The following PTPRT variants were observed in gnomAD, a reference collection of about 807,000 sequenced individuals.
The protein encoded by PTPRT is receptor-type tyrosine-protein phosphatase T.
Under a neutral mutation model 176.8 loss-of-function variants are expected in PTPRT, and 56 were observed. The observed-to-expected ratio is 0.32, with a 90% CI of 0.26 to 0.40. The LOEUF (loss-of-function observed/expected upper bound fraction) is 0.40, where lower values mean the gene tolerates loss of function less well. Among genes scored for constraint, PTPRT ranks in the 10% least tolerant of loss-of-function variants. The pLI, the probability that PTPRT is intolerant of heterozygous loss-of-function variation, is 1.00. For synonymous variants in PTPRT, 783 were observed against 739.0 expected (o/e 1.06, Z -0.96); for missense variants, 1,540 against 1,908.2 (o/e 0.81, Z 3.60).
At chr20:42,482,566 T>G (rs1482451234) in intron 7 of PTPRT, among the ~76,000 whole-genome samples, 3 of 152,270 alleles carry the variant, frequency 2.0e-5, no homozygotes, top group Admixed American at 6.5e-5. Flanking sequence ...GGTGTATATA[T>G]TCTAGTGGGG....
chr20:42,329,985 A>G (rs2057944775), intron 11 of PTPRT, among the ~76,000 whole-genome samples: 1 of 152,212 alleles, frequency 6.6e-6, no homozygotes, highest in Non-Finnish European at 1.5e-5. Context: ...GGATGGATTT[A>G]TCCACATGAA....
chr20:42,971,754 C>A (rs889081587), intron 1 of PTPRT, among the ~76,000 whole-genome samples: 2 of 152,112 alleles, frequency 1.3e-5, no homozygotes, highest in African/African-American at 4.8e-5. Flanking sequence ...GACTTAGACC[C>A]GAGGTAACTT....
At chr20:42,685,881 T>C (rs1017409900) in intron 6 of PTPRT, 2 of 152,176 alleles carry the variant, frequency 1.3e-5, no homozygotes, top group African/African-American at 4.8e-5. Flanking sequence ...TGACCTCTCT[T>C]GCAGTTCTCT....
intron 11 of PTPRT, among the ~76,000 whole-genome samples, chr20:42,317,406 T>C (rs549083522): frequency 2.0e-5 from 3 of 152,310 alleles, no homozygotes; most frequent in Admixed American, 6.5e-5. Flanking sequence ...ATAAATGCTC[T>C]TCTTTTAGAA....
intron 9 of PTPRT, among the ~76,000 whole-genome samples, chr20:42,391,661 C>T (rs2058800990): frequency 6.6e-6 from 1 of 152,034 alleles, no homozygotes; most frequent in African/African-American, 2.4e-5. Flanking sequence ...GAAGGGAATG[C>T]AACAATGATA....
intron 1 of PTPRT, among the ~76,000 whole-genome samples, chr20:42,982,768 G>C (rs777122925): frequency 1.3e-5 from 2 of 152,128 alleles, no homozygotes; most frequent in Admixed American, 1.3e-4. Flanking sequence ...TCCCACACCC[G>C]CCCTCCTGAG....
At chr20:42,893,676 C>A (rs1203696844) in intron 1 of PTPRT, among the ~76,000 whole-genome samples, 1 of 151,784 alleles carries the variant, frequency 6.6e-6, no homozygotes, top group African/African-American at 2.4e-5. Flanking sequence ...GAATACTATG[C>A]AGCCATAAAA....
chr20:42,996,108 T>C (rs929450954), intron 1 of PTPRT, among the ~76,000 whole-genome samples: 1 of 152,114 alleles, frequency 6.6e-6, no homozygotes, highest in Non-Finnish European at 1.5e-5. Flanking sequence ...ACAGGAAAGG[T>C]GACAACCTGA....
intron 2 of PTPRT, among the ~76,000 whole-genome samples, chr20:42,831,531 G>T (rs2078088385): frequency 6.6e-6 from 1 of 152,122 alleles, no homozygotes; most frequent in Non-Finnish European, 1.5e-5. Flanking sequence ...GGAGAAATGG[G>T]ATCTAATTAA....
At chr20:42,672,545 G>T (rs1027126408) in intron 7 of PTPRT, among the ~76,000 whole-genome samples, 2 of 152,172 alleles carry the variant, frequency 1.3e-5, no homozygotes, top group African/African-American at 2.4e-5. Context: ...CTAAACTGAA[G>T]CATGGGAGTA....
At chr20:43,046,345 GCGGATCATGAGGT>G (rs1986837800) in intron 1 of PTPRT, among the ~76,000 whole-genome samples, 1 of 152,028 alleles carries the variant, frequency 6.6e-6, no homozygotes, top group East Asian at 1.9e-4. Flanking sequence ...GCTGAGGCAG[GCGGATCATGAGGT>G]CAGATCGAGA....
chr20:42,249,506 C>A (rs2056514288), intron 13 of PTPRT, among the ~76,000 whole-genome samples: 2 of 152,208 alleles, frequency 1.3e-5, no homozygotes, highest in South Asian at 2.1e-4. Flanking sequence ...ACATCCTTAG[C>A]CCTATCCTGG....
At chr20:42,474,775 C>T (rs530978725) in intron 7 of PTPRT, among the ~76,000 whole-genome samples, 11 of 152,286 alleles carry the variant, frequency 7.2e-5, no homozygotes, top group East Asian at 1.9e-4. Flanking sequence ...TGGGAAGCCC[C>T]GAGCATCCCC....
intron 13 of PTPRT, among the ~76,000 whole-genome samples, chr20:42,264,894 C>T (rs1266846440): frequency 2.6e-5 from 4 of 152,216 alleles, no homozygotes; most frequent in Non-Finnish European, 5.9e-5. Context: ...TTCTCAGAAA[C>T]CACAGTTCTG....
chr20:42,316,887 C>T (rs1283688203), intron 11 of PTPRT, among the ~76,000 whole-genome samples: 1 of 152,208 alleles, frequency 6.6e-6, no homozygotes, highest in Non-Finnish European at 1.5e-5. Context: ...TTACCTCCCT[C>T]TTTAGTTCCC....
Position 42,080,446 on chromosome 20 carries a change from C to CT in PTPRT, c.*432dup, listed in dbSNP as rs1330958424. 1 of 237,048 alleles carries CT rather than the reference C, an allele frequency of 4.2e-6. No individual in the cohort carries two copies. The highest frequency in any genetic ancestry group is 2.2e-5 in the African/African-American group (1 of 45,296). The allele number at this position is 237,048 out of a possible 1,614,324, so 14.7% of individuals were successfully genotyped here. A position where few individuals can be genotyped will look rare whatever the true frequency, so the allele number is the denominator to read the frequency against. On this transcript the variant is annotated 3_prime_UTR_variant, in exon 31 of 31. Transcript: ENST00000373187. Reference sequence around the variant, plus strand: ...AGCAGTGACCCCCAAGAGCCTCAATCTTTTCCATGACGTAGAGGAGCAGAA... The same window carrying CT: ...AGCAGTGACCCCCAAGAGCCTCAATCTTTTTCCATGACGTAGAGGAGCAGAA...
At position 42,201,789 on chromosome 20, in the gene PTPRT, G is replaced by A. The variant is rs193233917; in HGVS notation, c.2343-2401C>T. ...TACACCTTATGCCCTTCCTCTGGTC[G>A]CCTGTGGCAGTTCTCACTAGCTGAA... On this transcript the variant is annotated intron_variant, in intron 15 of 30. Coordinates refer to ENST00000373187, the MANE Select transcript of PTPRT (RefSeq NM_007050.6). Among the ~76,000 whole-genome samples the A allele has an allele frequency of 1.2e-3, 173 of 147,698 alleles. 1 individual carries two copies. The highest frequency in any genetic ancestry group is 2.0e-3 in the Non-Finnish European group (137 of 67,298).
intron 7 of PTPRT, among the ~76,000 whole-genome samples, chr20:42,571,128 A>G (rs1253036291): frequency 6.6e-6 from 1 of 152,232 alleles, no homozygotes; most frequent in Non-Finnish European, 1.5e-5. Context: ...TATTTGGTAG[A>G]AAGCTGGGCA....
chr20:42,265,987 AAG>A (rs1406715905), intron 13 of PTPRT, among the ~76,000 whole-genome samples: 1 of 152,148 alleles, frequency 6.6e-6, no homozygotes, highest in South Asian at 2.1e-4. Flanking sequence ...GCGAAATAAT[AAG>A]AGAGAGTTTT....
Sources: gnomAD v4.1 joint callset for allele counts (sites outside exome capture counted in the v4.1 genomes callset) on GRCh38, gnomAD v4.1.1 for gene constraint, MANE v1.5 for transcripts, NCBI Gene and HGNC (gene_info 2026-07-23, HGNC 2026-07-21) for gene names.